The following RYR2 variants were observed in gnomAD, a reference collection of about 807,000 sequenced individuals.
RYR2 encodes the protein ryanodine receptor 2.
Under a neutral mutation model 601.1 loss-of-function variants are expected in RYR2, and 227 were observed. The ratio of observed to expected loss-of-function variants is 0.38; its 90% confidence interval spans 0.34 to 0.42. The LOEUF (loss-of-function observed/expected upper bound fraction) is 0.42. Among genes scored for constraint, RYR2 ranks in the 10% least tolerant of loss-of-function variants. The probability of loss-of-function intolerance (pLI) is 1.00; values close to 1 mark genes in which losing one functional copy is unlikely to be tolerated. For synonymous variants in RYR2, 2,223 were observed against 2,175.1 expected (o/e 1.02, Z -0.61); for missense variants, 4,646 against 6,156.5 (o/e 0.75, Z 8.21).
At chr1:237,624,358 A>G (rs1049196775) in intron 39 of RYR2, among the ~76,000 whole-genome samples, 2 of 152,166 alleles carry the variant, frequency 1.3e-5, no homozygotes, top group Non-Finnish European at 2.9e-5. Context: ...CAACAAACAA[A>G]CAAAACCCCC....
chr1:237,201,308 T>C (rs61832409), intron 1 of RYR2, among the ~76,000 whole-genome samples: 7 of 152,208 alleles, frequency 4.6e-5, no homozygotes, highest in Non-Finnish European at 1.0e-4. Flanking sequence ...ATTCAAGGTC[T>C]TGTTTTACTG....
At chr1:237,229,122 AGCATC>A (rs71653778) in intron 1 of RYR2, among the ~76,000 whole-genome samples, 52,812 of 151,694 alleles carry the variant, frequency 0.35, 9,448 homozygotes, top group Admixed American at 0.41. Context: ...GACCAGCTGT[AGCATC>A]GCATCTTCTC....
intron 60 of RYR2, among the ~76,000 whole-genome samples, chr1:237,675,202 T>C (rs1685290945): frequency 6.6e-6 from 1 of 152,154 alleles, no homozygotes; most frequent in South Asian, 2.1e-4. Flanking sequence ...TCCAAAACTA[T>C]GGATTTTCAA....
chr1:237,653,822 G>A (rs960768919), intron 51 of RYR2, among the ~76,000 whole-genome samples: 2 of 152,200 alleles, frequency 1.3e-5, no homozygotes, highest in African/African-American at 4.8e-5. Flanking sequence ...GAGTCCAGAA[G>A]CTGAAGGACT....
At chr1:237,218,240 T>C (rs1683400614) in intron 1 of RYR2, among the ~76,000 whole-genome samples, 1 of 152,234 alleles carries the variant, frequency 6.6e-6, no homozygotes, top group African/African-American at 2.4e-5. Context: ...TTGTGAATTA[T>C]TGATTATGAT....
At chr1:237,595,922 C>G (rs572191477) in intron 34 of RYR2, among the ~76,000 whole-genome samples, 2 of 152,202 alleles carry the variant, frequency 1.3e-5, no homozygotes, top group South Asian at 4.2e-4. Context: ...ACCACTGAGG[C>G]ACTTGCAGAT....
intron 75 of RYR2, 126 bp from the exon 76 acceptor site, chr1:237,726,961 T>TGTTTA: frequency 1.7e-6 from 1 of 586,266 alleles, no homozygotes; most frequent in Non-Finnish European, 3.1e-6. Flanking sequence ...GAATTCCAAA[T>TGTTTA]ATAGATTACT....
chr1:237,113,330 C>T (rs1669707192), intron 1 of RYR2, among the ~76,000 whole-genome samples: 1 of 152,002 alleles, frequency 6.6e-6, no homozygotes, highest in South Asian at 2.1e-4. Flanking sequence ...CCCTGAGTAG[C>T]TGGGATTACA....
chr1:237,667,800 T>G, intron 57 of RYR2, 83 bp from the exon 58 acceptor site: 1 of 1,009,954 alleles, frequency 9.9e-7, no homozygotes. Flanking sequence ...AGTTATTCCT[T>G]TACGGTATCT....
Position 237,542,168 on chromosome 1 carries a change from A to C in RYR2, c.2907-6263A>C, listed in dbSNP as rs150231537. Among the ~76,000 whole-genome samples, 453 of 151,960 alleles carry C rather than the reference A, an allele frequency of 3.0e-3. 9 individuals are homozygous for C. In the East Asian group the frequency reaches 0.053, roughly 18 times the overall value. On this transcript the variant is annotated intron_variant, in intron 25 of 104. Coordinates refer to ENST00000366574, the MANE Select transcript of RYR2 (RefSeq NM_001035.3). ...GAGTGCGATGGCGCCATCTCGGCTC[A>C]CCGCAAGCTCCGCCTCCCGGGTTCA...
intron 65 of RYR2, 64 bp from the exon 66 acceptor site, chr1:237,701,914 C>G: frequency 3.3e-6 from 3 of 901,276 alleles, no homozygotes; most frequent in Non-Finnish European, 5.5e-6. Flanking sequence ...ATAGCTTAAG[C>G]TTTCTCAGGA....
chr1:237,808,741 T>A (rs2149445830), intron 99 of RYR2, among the ~76,000 whole-genome samples, 160 bp from the exon 100 acceptor site: 2 of 152,112 alleles, frequency 1.3e-5, no homozygotes, highest in South Asian at 4.2e-4. Flanking sequence ...AATGTCTGCA[T>A]GAGGGGGCTA....
At chr1:237,325,376 G>GTA (rs1358685895) in intron 2 of RYR2, among the ~76,000 whole-genome samples, 2 of 152,278 alleles carry the variant, frequency 1.3e-5, no homozygotes, top group East Asian at 3.9e-4. Context: ...CATAGCATAT[G>GTA]TATACATGTA....
intron 10 of RYR2, among the ~76,000 whole-genome samples, chr1:237,406,312 A>T (rs1703898975): frequency 6.7e-6 from 1 of 148,478 alleles, no homozygotes; most frequent in African/African-American, 2.5e-5. Context: ...ACCATGTCAA[A>T]CTGTACATTC....
intron 2 of RYR2, among the ~76,000 whole-genome samples, chr1:237,286,531 T>TA (rs1691579253): frequency 6.7e-5 from 1 of 14,976 alleles, no homozygotes; most frequent in South Asian, 5.0e-3. Flanking sequence ...AGTCCATTTC[T>TA]TCCAATGTGT....
At chr1:237,452,820 T>C (rs781592966) in intron 14 of RYR2, among the ~76,000 whole-genome samples, 2 of 151,688 alleles carry the variant, frequency 1.3e-5, no homozygotes, top group South Asian at 2.1e-4. Flanking sequence ...ATTAAGATGA[T>C]ATACATCTTT....
chr1:237,301,071 C>A (rs1553389176), intron 2 of RYR2, among the ~76,000 whole-genome samples: 1 of 152,012 alleles, frequency 6.6e-6, no homozygotes, highest in African/African-American at 2.4e-5. Flanking sequence ...GAACACATGG[C>A]TTTAAGTATA....
At chr1:237,299,404 G>C (rs745986853) in intron 2 of RYR2, among the ~76,000 whole-genome samples, 13 of 152,140 alleles carry the variant, frequency 8.5e-5, no homozygotes, top group Non-Finnish European at 1.8e-4. Flanking sequence ...TATTCAGTGG[G>C]TTAATAAGAG....
Position 237,643,204 on chromosome 1 carries a change from C to T in RYR2, c.7222-123C>T. On this transcript the variant is annotated intron_variant, in intron 47 of 104. Transcript: ENST00000366574. ...AAAACTATTTCTGAGAGAGGCATAA[C>T]TTTATGTATACACTGATCAGAAAAT... The T allele has an allele frequency of 3.3e-6, 4 of 1,198,650 alleles. No homozygotes were observed. The South Asian group carries it at 6.4e-5, about 19-fold the overall frequency. The allele number at this position is 1,198,650 out of a possible 1,614,324, so 74.3% of individuals were successfully genotyped here.
Sources: allele counts gnomAD v4.1 joint callset (sites outside exome capture counted in the v4.1 genomes callset), GRCh38; gene constraint gnomAD v4.1.1; transcripts MANE v1.5; gene names NCBI Gene and HGNC (gene_info 2026-07-23, HGNC 2026-07-21).